DTNA: variants seen among roughly 807,000 people sequenced by gnomAD.
The protein encoded by DTNA is dystrobrevin alpha, also known as dystrophin-related protein 3.
In DTNA, 43 loss-of-function variants were observed where a neutral mutation model predicts 100.7. The ratio of observed to expected loss-of-function variants is 0.43; its 90% CI spans 0.33 to 0.55. The LOEUF is 0.55. Ranked by LOEUF, DTNA falls within the 20% of genes least tolerant of loss-of-function variation. The pLI, the probability that DTNA is intolerant of heterozygous loss-of-function variation, is 0.04. For missense variants in DTNA, 798 were observed against 953.9 expected (o/e 0.84, Z 2.15); for synonymous variants, 349 against 347.9 (o/e 1.00, Z -0.04).
intron 1 of DTNA, among the ~76,000 whole-genome samples, chr18:34,642,638 G>T (rs1460127876): frequency 1.3e-5 from 2 of 151,374 alleles, no homozygotes; most frequent in Non-Finnish European, 1.5e-5. Flanking sequence ...GGCTCACTGC[G>T]ACCTCCGACT....
intron 1 of DTNA, among the ~76,000 whole-genome samples, chr18:34,735,335 G>A (rs746491389): frequency 9.2e-5 from 14 of 152,124 alleles, no homozygotes; most frequent in Non-Finnish European, 1.8e-4. Flanking sequence ...TATTTTGGCA[G>A]CACCCTTGCA....
At chr18:34,754,240 T>A (rs74762882) in intron 1 of DTNA, among the ~76,000 whole-genome samples, 7 of 152,284 alleles carry the variant, frequency 4.6e-5, no homozygotes, top group South Asian at 2.1e-4. Context: ...TTTTTTTTTT[T>A]AATTTTACCC....
chr18:34,534,549 G>A (rs958581424), intron 1 of DTNA, among the ~76,000 whole-genome samples: 3 of 151,806 alleles, frequency 2.0e-5, no homozygotes, highest in Non-Finnish European at 4.4e-5. Flanking sequence ...ATAGGTATAC[G>A]TGTTCCATGG....
intron 1 of DTNA, among the ~76,000 whole-genome samples, chr18:34,506,422 G>A (rs1283110894): frequency 3.3e-5 from 5 of 152,294 alleles, no homozygotes; most frequent in Admixed American, 2.6e-4. Context: ...ACATCATCAC[G>A]GTGGGGATGG....
At chr18:34,848,411 CTGTTGGCA>C (rs972052411) in intron 14 of DTNA, 28 bp downstream of exon 14, 6 of 1,607,712 alleles carry the variant, frequency 3.7e-6, no homozygotes, top group Non-Finnish European at 5.1e-6. Flanking sequence ...AAGGATTCGT[CTGTTGGCA>C]TCTGGGATCC....
At chr18:34,680,680 AT>A (rs1434267582) in intron 1 of DTNA, among the ~76,000 whole-genome samples, 1 of 152,154 alleles carries the variant, frequency 6.6e-6, no homozygotes, top group Non-Finnish European at 1.5e-5. Context: ...TAAAATGGTA[AT>A]TCTATTTATT....
intron 1 of DTNA, among the ~76,000 whole-genome samples, chr18:34,587,402 C>T (rs993684178): frequency 6.6e-6 from 1 of 152,026 alleles, no homozygotes; most frequent in African/African-American, 2.4e-5. Flanking sequence ...CTTTGTTCTC[C>T]TCTGCACTCC....
chr18:34,518,938 G>A (rs2041920789), intron 1 of DTNA, among the ~76,000 whole-genome samples: 1 of 151,994 alleles, frequency 6.6e-6, no homozygotes, highest in Non-Finnish European at 1.5e-5. Context: ...AGGCAGAGTA[G>A]GTGTAAGCCA....
chr18:34,552,253 G>GC (rs2045506996), intron 1 of DTNA, among the ~76,000 whole-genome samples: 1 of 151,924 alleles, frequency 6.6e-6, no homozygotes, highest in Non-Finnish European at 1.5e-5. Context: ...ACACCTCGAT[G>GC]GAAGATGGTA....
At chr18:34,807,868 CAAAAAAAAAGAA>C (rs2095403168) in intron 5 of DTNA, among the ~76,000 whole-genome samples, 2 of 81,134 alleles carry the variant, frequency 2.5e-5, no homozygotes, top group Admixed American at 2.7e-4. Context: ...TTTTTTTTTT[CAAAAAAAAAGAA>C]AAAAAAAAAG....
intron 1 of DTNA, among the ~76,000 whole-genome samples, chr18:34,507,203 C>G (rs1330318046): frequency 6.6e-6 from 1 of 152,142 alleles, no homozygotes; most frequent in African/African-American, 2.4e-5. Context: ...ATTTCCCCCA[C>G]TCTCAGAGAT....
Position 34,879,570 on chromosome 18 carries a change from G to A in DTNA, c.2013G>A (p.Glu671=). 1 of 1,614,054 alleles carries A rather than the reference G, an allele frequency of 6.2e-7. No individual in the cohort carries two copies. The highest frequency in any genetic ancestry group is 8.5e-7 in the Non-Finnish European group (1 of 1,179,974). The part of the protein sequence containing the change: ...ELNSEVGSET[E]SNVDSEFART... ...TGCTAGAGGTTGGGAGTGAAACAGA[G>A]AGTAATGTGGATTCTGAATTTGCAC... is the stretch of plus-strand genomic sequence containing the variant. The change falls in exon 20 of 23, where the codon GAG becomes GAA. Residue 671 remains glutamate, a synonymous_variant. Coordinates refer to ENST00000444659, the MANE Select transcript of DTNA (RefSeq NM_001386795.1).
At chr18:34,685,358 G>T (rs1435768095) in intron 1 of DTNA, among the ~76,000 whole-genome samples, 1 of 152,146 alleles carries the variant, frequency 6.6e-6, no homozygotes, top group African/African-American at 2.4e-5. Context: ...TCTGCATATG[G>T]CTAGCCAGTT....
intron 1 of DTNA, among the ~76,000 whole-genome samples, chr18:34,749,801 A>G (rs946832250): frequency 3.3e-5 from 5 of 152,180 alleles, no homozygotes; most frequent in African/African-American, 9.7e-5. Flanking sequence ...TCATCTAGAT[A>G]AAGGACTAGG....
Position 34,859,300 on chromosome 18 carries a change from G to A in DTNA, c.1646+902G>A, listed in dbSNP as rs112660631. Reference sequence around the variant, plus strand: ...AAAACGCACAAACAAAGCAACAAAAGAATGAAGCAACGAAAGCAGATTTAT... The same window carrying A: ...AAAACGCACAAACAAAGCAACAAAAAAATGAAGCAACGAAAGCAGATTTAT... On this transcript the variant is annotated intron_variant, in intron 16 of 22. Transcript: ENST00000444659. Among the ~76,000 whole-genome samples the A allele has an allele frequency of 3.8e-3, 564 of 149,068 alleles. 3 individuals are homozygous for A. Among genetic ancestry groups the A allele is most frequent in the Non-Finnish European group, 5.2e-3 (350 of 67,676 alleles).
In DTNA at chr18:34,888,715, T is replaced by G. The variant is rs776952588; in HGVS notation, c.*981T>G. On this transcript the variant is annotated 3_prime_UTR_variant, in exon 23 of 23. Coordinates refer to ENST00000444659, the MANE Select transcript of DTNA (RefSeq NM_001386795.1). ...AAACGGACTAAAGTTATCTCTGCTC[T>G]TCCATGGTCTTGTTCCTCTCGTTTT... 7.1e-6 allele frequency: 7 copies of G among 985,806 alleles called. No homozygotes were observed. Among genetic ancestry groups the G allele is most frequent in the Non-Finnish European group, 8.4e-6 (7 of 829,964 alleles). 61.1% of individuals were successfully genotyped at this position (985,806 alleles called of 1,614,324 possible).
intron 1 of DTNA, among the ~76,000 whole-genome samples, chr18:34,646,022 T>C (rs2059794135): frequency 6.6e-6 from 1 of 152,184 alleles, no homozygotes; most frequent in Non-Finnish European, 1.5e-5. Context: ...TGAACTGCAC[T>C]GACTGCATAT....
At chr18:34,622,490 G>C (rs1214892830) in intron 1 of DTNA, among the ~76,000 whole-genome samples, 3 of 152,166 alleles carry the variant, frequency 2.0e-5, no homozygotes, top group Admixed American at 2.0e-4. Flanking sequence ...ATGGAAACTT[G>C]ATAAAGCATT....
intron 1 of DTNA, chr18:34,574,667 C>T (rs917099863): frequency 1.3e-4 from 20 of 152,296 alleles, no homozygotes; most frequent in African/African-American, 4.8e-4. Context: ...CAGTCTCTGT[C>T]TTCCAGGCTG....
Sources: allele counts gnomAD v4.1 joint callset (sites outside exome capture counted in the v4.1 genomes callset), GRCh38; gene constraint gnomAD v4.1.1; transcripts MANE v1.5; gene names NCBI Gene and HGNC (gene_info 2026-07-23, HGNC 2026-07-21).